ZNF512B: variants seen among roughly 807,000 people sequenced by gnomAD.
ZNF512B encodes the protein zinc finger protein 512B.
A neutral mutation model predicts 87.8 loss-of-function variants in ZNF512B; 22 were observed. That is an observed-to-expected ratio of 0.25 (90% CI 0.18 to 0.36). The LOEUF (loss-of-function observed/expected upper bound fraction) is 0.36. ZNF512B is among the 10% of genes least tolerant of loss of function. The pLI, the probability that ZNF512B is intolerant of heterozygous loss-of-function variation, is 1.00. For synonymous variants in ZNF512B, 524 were observed against 490.9 expected (o/e 1.07, Z -0.89); for missense variants, 1,060 against 1,231.6 (o/e 0.86, Z 2.09).
At chr20:63,960,953 G>A (rs1426098141) in intron 16 of ZNF512B, among the ~76,000 whole-genome samples, 33 of 139,854 alleles carry the variant, frequency 2.4e-4, no homozygotes, top group South Asian at 1.7e-3. Context: ...CACAGCCTTC[G>A]GGACCAGGCA....
At chr20:63,969,481 C>T (rs2058958895) in intron 1 of ZNF512B, among the ~76,000 whole-genome samples, 1 of 151,206 alleles carries the variant, frequency 6.6e-6, no homozygotes, top group South Asian at 2.1e-4. Flanking sequence ...GTGAGCGCGG[C>T]CAGGGACGCG....
At position 63,961,599 on chromosome 20, in the gene ZNF512B, G is replaced by A. The variant is rs918586091; in HGVS notation, c.2329-192C>T. On this transcript the variant is annotated intron_variant, in intron 15 of 16. Transcript: ENST00000369888. This position sits in a 1 kb window ranked among gnomAD's most constrained non-coding sequence, Gnocchi z 6.4. ...GTAGGGGAGAGGAAGGGTAGGGAGA[G>A]GCAGGTGCCCAGGGGAAGAGTTGCA... Among the ~76,000 whole-genome samples the A allele has an allele frequency of 1.3e-5, 2 of 152,196 alleles. No homozygotes were observed. The highest frequency in any genetic ancestry group is 2.9e-5 in the Non-Finnish European group (2 of 68,018).
At position 63,957,052 on chromosome 20, in the gene ZNF512B, G is replaced by C. The variant is rs977394756; in HGVS notation, c.*2836C>G. 5 of 152,348 alleles carry C rather than the reference G, an allele frequency of 3.3e-5. No homozygotes were observed. Among genetic ancestry groups the C allele is most frequent in the African/African-American group, 1.2e-4 (5 of 41,426 alleles). The allele number at this position is 152,348 out of a possible 1,614,324, so 9.4% of individuals were successfully genotyped here. A position where few individuals can be genotyped will look rare whatever the true frequency, so the allele number is the denominator to read the frequency against. On this transcript the variant is annotated 3_prime_UTR_variant, in exon 17 of 17. Transcript: ENST00000369888. ...GCCTGGGGCCCCAGACCCGGGCCTG[G>C]GGGAGCCGCCTGGGGCCCCGCCAAA... is the stretch of plus-strand genomic sequence containing the variant.
rs566572685 is a variant in ZNF512B, at chr20:63,967,305, G to A, written c.264+76C>T. Reference sequence around the variant, plus strand: ...ATAGAGTTGGTACCAGATGTGCAGAGGACAAATCAGGGCAGGGCAGTGGCT... The same window carrying A: ...ATAGAGTTGGTACCAGATGTGCAGAAGACAAATCAGGGCAGGGCAGTGGCT... On this transcript the variant is annotated intron_variant, in intron 3 of 16. Coordinates refer to ENST00000369888, the MANE Select transcript of ZNF512B (RefSeq NM_020713.3). The A allele has an allele frequency of 2.0e-6, 3 of 1,516,808 alleles. No individual in the cohort carries two copies. The South Asian group carries it at 3.9e-5, about 20-fold the overall frequency. The allele number at this position is 1,516,808 out of a possible 1,614,324, so 94.0% of individuals were successfully genotyped here. A position where few individuals can be genotyped will look rare whatever the true frequency, so the allele number is the denominator to read the frequency against.
rs950602938 is a variant in ZNF512B at position 63,957,624 on chromosome 20, C to G, written c.*2264G>C. ...GGTATCCAGGACTCCTCTTCCCACA[C>G]CAGGGATTATCTGTGGGCTTTGGGA... On this transcript the variant is annotated 3_prime_UTR_variant, in exon 17 of 17. Coordinates refer to ENST00000369888, the MANE Select transcript of ZNF512B (RefSeq NM_020713.3). The G allele has an allele frequency of 5.2e-5, 8 of 152,654 alleles. No individual in the cohort carries two copies. Among genetic ancestry groups the G allele is most frequent in the African/African-American group, 1.9e-4 (8 of 41,446 alleles). The allele number at this position is 152,654 out of a possible 1,614,324, so 9.5% of individuals were successfully genotyped here. A position where few individuals can be genotyped will look rare whatever the true frequency, so the allele number is the denominator to read the frequency against.
chr20:63,963,506 C>A, intron 10 of ZNF512B, 66 bp from the exon 11 acceptor site: 1 of 1,562,636 alleles, frequency 6.4e-7, no homozygotes, highest in South Asian at 1.1e-5. Flanking sequence ...GGCCCCGCCC[C>A]GCCCAGGTGT....
chr20:63,961,576 A>G lies in ZNF512B; in HGVS notation c.2329-169T>C, dbSNP rs981744096. Among the ~76,000 whole-genome samples the G allele has an allele frequency of 6.6e-6, 1 of 152,138 alleles. No individual in the cohort carries two copies. The highest frequency in any genetic ancestry group is 6.5e-5 in the Admixed American group (1 of 15,286). ...GAGTTACCAGGGCGGCAGGGGTGGT[A>G]GGGGAGAGGAAGGGTAGGGAGAGGC... On this transcript the variant is annotated intron_variant, in intron 15 of 16. Transcript: ENST00000369888. The surrounding 1 kb of genome is among the most constrained non-coding windows in gnomAD (Gnocchi z 6.4).
At chr20:63,967,074 T>G in intron 3 of ZNF512B, 70 bp from the exon 4 acceptor site, 1 of 1,600,238 alleles carries the variant, frequency 6.2e-7, no homozygotes, top group Non-Finnish European at 8.5e-7. Flanking sequence ...AGCCCCAGAC[T>G]CAGAGCCCCC....
Position 63,966,549 on chromosome 20 carries a change from G to A in ZNF512B, c.626C>T (p.Pro209Leu). The change falls in exon 5 of 17, where the codon CCC (proline) becomes CTC (leucine). Residue 209 changes from proline (P) to leucine (L), a missense_variant. Pro to Leu is a moderately conservative substitution (Grantham distance 98, BLOSUM62 -3). Around this residue, in one of 9 missense-constraint regions of ZNF512B, gnomAD observed 201 missense variants for 226.8 expected, o/e 0.89. Coordinates refer to ENST00000369888, the MANE Select transcript of ZNF512B (RefSeq NM_020713.3). ...TIGKPVGVSK[P>L]IGISKPVSVG... is the part of the protein sequence containing the mutation. Reference sequence around the variant, plus strand: ...CGAGACTGGCTTGCTGATGCCAATGGGTTTGCTGACACCCACAGGTTTGCC... The same window carrying A: ...CGAGACTGGCTTGCTGATGCCAATGAGTTTGCTGACACCCACAGGTTTGCC... 1 of 1,614,016 alleles carries A rather than the reference G, an allele frequency of 6.2e-7. No individual in the cohort carries two copies. Among genetic ancestry groups the A allele is most frequent in the Non-Finnish European group, 8.5e-7 (1 of 1,180,020 alleles).
In ZNF512B at chr20:63,966,867, G is replaced by T; in HGVS notation, c.393+9C>A. The T allele has an allele frequency of 6.2e-7, 1 of 1,613,770 alleles. No individual in the cohort carries two copies. The highest frequency in any genetic ancestry group is 8.5e-7 in the Non-Finnish European group (1 of 1,180,004). ...GAGGCCTCCTCTCCCCCGACCCACA[G>T]TCCCTTACCCCTTGGCACCGCTGGT... On this transcript the variant is annotated intron_variant, in intron 4 of 16. Transcript: ENST00000369888.
At chr20:63,967,741 T>C (rs2058942708) in intron 2 of ZNF512B, 89 bp downstream of exon 2, 24 of 1,553,302 alleles carry the variant, frequency 1.5e-5, no homozygotes, top group South Asian at 1.4e-4. Context: ...GCTGGGTACC[T>C]GGAGACAGGA....
In ZNF512B at chr20:63,967,707, G is replaced by A. The variant is rs548106594; in HGVS notation, c.121+123C>T. ...CCAAGGCAACCCCTACCCTGGTAAG[G>A]TCCTTGGGAACTCTAGGGGCCTAGC... On this transcript the variant is annotated intron_variant, in intron 2 of 16. Transcript: ENST00000369888. 2.0e-5 allele frequency: 30 copies of A among 1,506,246 alleles called. No individual in the cohort carries two copies. The South Asian group carries it at 3.3e-4, about 16-fold the overall frequency. The allele number at this position is 1,506,246 out of a possible 1,614,324, so 93.3% of individuals were successfully genotyped here.
chr20:63,961,299 G>A lies in ZNF512B; in HGVS notation c.2427+10C>T. 13 of 1,610,886 alleles carry A rather than the reference G, an allele frequency of 8.1e-6. No homozygotes were observed. Among genetic ancestry groups the A allele is most frequent in the Non-Finnish European group, 1.1e-5 (13 of 1,179,398 alleles). Reference sequence around the variant, plus strand: ...CCCCCAGCCACAGGCCCTGGTGATGGCCCTCGCACCTCTGCGTGGGTCTTC... The same window carrying A: ...CCCCCAGCCACAGGCCCTGGTGATGACCCTCGCACCTCTGCGTGGGTCTTC... On this transcript the variant is annotated intron_variant, in intron 16 of 16. Transcript: ENST00000369888. The surrounding 1 kb of genome is among the most constrained non-coding windows in gnomAD (Gnocchi z 6.4).
chr20:63,962,461 C>T, intron 13 of ZNF512B, 87 bp from the exon 14 acceptor site: 5 of 1,553,612 alleles, frequency 3.2e-6, no homozygotes, highest in Non-Finnish European at 4.4e-6. Context: ...GCAGGCGACA[C>T]TCGCCGCAGA....
intron 1 of ZNF512B, among the ~76,000 whole-genome samples, chr20:63,969,325 G>A (rs982568394): frequency 2.0e-5 from 3 of 152,240 alleles, no homozygotes; most frequent in African/African-American, 4.8e-5. Flanking sequence ...CGGATGAGAA[G>A]GGGCTTCGGC....
intron 2 of ZNF512B, 137 bp downstream of exon 2, chr20:63,967,693 C>A: frequency 6.7e-7 from 1 of 1,488,386 alleles, no homozygotes; most frequent in Non-Finnish European, 9.0e-7. Flanking sequence ...CAAGGCAACC[C>A]CTACCCTGGT....
intron 1 of ZNF512B, 108 bp from the exon 2 acceptor site, chr20:63,968,060 AG>A: frequency 2.9e-6 from 4 of 1,374,922 alleles, no homozygotes; most frequent in Non-Finnish European, 3.9e-6. Context: ...GTCAGGGAAG[AG>A]GGGCCTGCCT....
rs778588363 is a variant in ZNF512B at position 63,967,922 on chromosome 20, C to T, written c.29G>A (p.Arg10His). 17 of 1,612,102 alleles carry T rather than the reference C, an allele frequency of 1.1e-5. No individual in the cohort carries two copies. Among genetic ancestry groups the T allele is most frequent in the Admixed American group, 5.0e-5 (3 of 59,986 alleles). Residue 10 changes from arginine to histidine, a missense_variant, in exon 2 of 17, where the codon CGT (arginine) becomes CAT (histidine). Arg to His is a conservative substitution (Grantham distance 29). Transcript: ENST00000369888. ...ACTCTTGCTGGACCCCGGGAGCCGA[C>T]GGCCTCCAACGCAGAAAGGATCCGT... The part of the protein sequence containing the change: MTDPFCVGG[R>H]RLPGSSKSGP...
chr20:63,967,981 CCTGA>C, intron 1 of ZNF512B, 29 bp from the exon 2 acceptor site: 1 of 1,584,660 alleles, frequency 6.3e-7, no homozygotes, highest in Non-Finnish European at 8.6e-7. Context: ...ATCTGTGAAG[CCTGA>C]CGGGCCCCAC....
Sources: allele counts gnomAD v4.1 joint callset (sites outside exome capture counted in the v4.1 genomes callset), GRCh38; gene constraint gnomAD v4.1.1; regional missense constraint gnomAD v4.1.1; non-coding constraint Gnocchi (gnomAD v3.1); transcripts MANE v1.5; gene names NCBI Gene and HGNC (gene_info 2026-07-23, HGNC 2026-07-21).